Variants in FER1L6 observed in about 807,000 individuals in gnomAD.
FER1L6 encodes fer-1-like protein 6.
Under a neutral mutation model 219.2 loss-of-function variants are expected in FER1L6, and 177 were observed. The observed-to-expected ratio is 0.81, with a 90% CI of 0.71 to 0.91. The LOEUF is 0.91. Ranked by LOEUF, FER1L6 falls within the 40% of genes least tolerant of loss-of-function variation. The pLI, the probability that FER1L6 is intolerant of heterozygous loss-of-function variation, is 0.00. For synonymous variants in FER1L6, 768 were observed against 824.3 expected, an observed-to-expected ratio of 0.93 and a Z score of 1.17; for missense variants, 2,153 against 2,259.9, an observed-to-expected ratio of 0.95 and a Z score of 0.96.
intron 24 of FER1L6, among the ~76,000 whole-genome samples, chr8:124,060,963 TCATCAG>T (rs1377610556): frequency 6.6e-6 from 1 of 152,176 alleles, no homozygotes; most frequent in Non-Finnish European, 1.5e-5. Context: ...GGTCCCCAAT[TCATCAG>T]CATCAGCATC....
intron 18 of FER1L6, 133 bp from the exon 19 acceptor site, chr8:124,035,144 A>T: frequency 2.2e-6 from 2 of 890,930 alleles, no homozygotes; most frequent in Non-Finnish European, 3.4e-6. Flanking sequence ...ATTTTGATTT[A>T]AGAGGAGCTC....
In FER1L6 at chr8:124,003,033, A is replaced by C. The variant is rs1007062907; in HGVS notation, c.1520-134A>C. 4 of 690,558 alleles carry C rather than the reference A, an allele frequency of 5.8e-6. No individual in the cohort carries two copies. The African/African-American group carries it at 7.1e-5, about 12-fold the overall frequency. 42.8% of individuals were successfully genotyped at this position (690,558 alleles called of 1,614,324 possible). A position where few individuals can be genotyped will look rare whatever the true frequency, so the allele number is the denominator to read the frequency against. On this transcript the variant is annotated intron_variant, in intron 12 of 40. Coordinates refer to ENST00000522917, the MANE Select transcript of FER1L6 (RefSeq NM_001039112.2). ...CATTGTCAGTCTTGTTGGTCTGATC[A>C]TTGCTCTTTCTACCTTCATAATGGG... is the stretch of plus-strand genomic sequence containing the variant.
chr8:123,893,325 C>A (rs181095930), intron 1 of FER1L6, among the ~76,000 whole-genome samples: 36 of 152,240 alleles, frequency 2.4e-4, no homozygotes, highest in African/African-American at 7.5e-4. Flanking sequence ...ATGTTTACAA[C>A]GATTGCTAAC....
intron 18 of FER1L6, among the ~76,000 whole-genome samples, chr8:124,025,355 A>G (rs2130653709): frequency 6.6e-6 from 1 of 152,172 alleles, no homozygotes; most frequent in South Asian, 2.1e-4. Context: ...ATTTTTTTGT[A>G]TATGGTGAGA....
intron 32 of FER1L6, among the ~76,000 whole-genome samples, chr8:124,078,568 G>A (rs1458779033): frequency 2.6e-5 from 4 of 152,208 alleles, no homozygotes; most frequent in African/African-American, 9.7e-5. Flanking sequence ...CAGGCACACT[G>A]CTAAGTGCTG....
At chr8:124,013,231 A>G (rs1316742430) in intron 14 of FER1L6, among the ~76,000 whole-genome samples, 200 bp from the exon 15 acceptor site, 1 of 152,202 alleles carries the variant, frequency 6.6e-6, no homozygotes, top group African/African-American at 2.4e-5. Context: ...ATGTGGACCA[A>G]TTCCACTTAC....
In FER1L6 at chr8:123,973,364, G is replaced by A. The variant is rs1160181469; in HGVS notation, c.448-70G>A. On this transcript the variant is annotated intron_variant, in intron 6 of 40. Transcript: ENST00000522917. ...CCACTGTGCTCCAGACAGGGTCAAA[G>A]CTAGACAAGGGTCAAGGCCTCTTAT... is the stretch of plus-strand genomic sequence containing the variant. 4 of 1,282,468 alleles carry A rather than the reference G, an allele frequency of 3.1e-6. No homozygotes were observed. The East Asian group carries it at 6.9e-5, about 22-fold the overall frequency. 79.4% of individuals were successfully genotyped at this position (1,282,468 alleles called of 1,614,324 possible). A position where few individuals can be genotyped will look rare whatever the true frequency, so the allele number is the denominator to read the frequency against.
chr8:123,964,887 C>G (rs912864062), intron 3 of FER1L6, among the ~76,000 whole-genome samples: 2 of 152,246 alleles, frequency 1.3e-5, no homozygotes, highest in Non-Finnish European at 2.9e-5. Flanking sequence ...CACTTGCCTA[C>G]TAGTTCTTTT....
chr8:124,097,253 A>AC lies in FER1L6; in HGVS notation c.4696-18_4696-17insC. The AC allele has an allele frequency of 6.3e-7, 1 of 1,598,738 alleles. No individual in the cohort carries two copies. The highest frequency in any genetic ancestry group is 8.6e-7 in the Non-Finnish European group (1 of 1,166,886). On this transcript the variant is annotated splice_polypyrimidine_tract_variant and intron_variant, in intron 35 of 40. Transcript: ENST00000522917. ...GCCCCCTCCCAAAGCTAAAGAAGAT[A>AC]TTTTTTTTCTTAACAAGGGCCGCCT...
At chr8:124,067,301 C>A (rs571094670) in intron 27 of FER1L6, among the ~76,000 whole-genome samples, 6 of 152,324 alleles carry the variant, frequency 3.9e-5, no homozygotes, top group Admixed American at 3.3e-4. Context: ...TGCAACCTCC[C>A]TCCTTTTGCT....
At chr8:124,105,990 T>C (rs1210056872) in intron 39 of FER1L6, among the ~76,000 whole-genome samples, 1 of 152,034 alleles carries the variant, frequency 6.6e-6, no homozygotes, top group Non-Finnish European at 1.5e-5. Context: ...TGCCAGGGAC[T>C]GGGGTAGGGT....
chr8:123,892,410 G>A (rs1812665221), intron 1 of FER1L6, among the ~76,000 whole-genome samples: 1 of 152,024 alleles, frequency 6.6e-6, no homozygotes, highest in Admixed American at 6.6e-5. Flanking sequence ...TTGTGTCTCA[G>A]CCCCGCAAGT....
rs1823420490 is a variant in FER1L6, at chr8:124,119,983, C to A, written c.*193C>A. The A allele has an allele frequency of 1.9e-6, 1 of 538,428 alleles. No homozygotes were observed. Among genetic ancestry groups the A allele is most frequent in the Non-Finnish European group, 3.1e-6 (1 of 318,318 alleles). The allele number at this position is 538,428 out of a possible 1,614,324, so 33.4% of individuals were successfully genotyped here. ...GCCTCCAAGTTTCAAACTTGTAAGG[C>A]ATGTTTTATCCCTTGGGCAGCATGA... is the stretch of plus-strand genomic sequence containing the variant. On this transcript the variant is annotated 3_prime_UTR_variant, in exon 41 of 41. Coordinates refer to ENST00000522917, the MANE Select transcript of FER1L6 (RefSeq NM_001039112.2).
intron 12 of FER1L6, among the ~76,000 whole-genome samples, chr8:123,987,813 T>TA (rs970263807): frequency 1.3e-5 from 2 of 152,158 alleles, no homozygotes; most frequent in Non-Finnish European, 2.9e-5. Context: ...GATACTTTTG[T>TA]AAAAAATGAG....
chr8:123,872,419 C>T (rs776829019), intron 1 of FER1L6, among the ~76,000 whole-genome samples: 2 of 152,072 alleles, frequency 1.3e-5, no homozygotes, highest in Admixed American at 6.6e-5. Flanking sequence ...TCATCAAAAA[C>T]GAAGTCTGAG....
At chr8:123,892,332 C>A (rs1041419696) in intron 1 of FER1L6, among the ~76,000 whole-genome samples, 1 of 151,994 alleles carries the variant, frequency 6.6e-6, no homozygotes, top group Non-Finnish European at 1.5e-5. Flanking sequence ...CGCACTGTCG[C>A]CCTGGCTGGA....
At chr8:124,072,900 C>T (rs1007871182) in intron 31 of FER1L6, among the ~76,000 whole-genome samples, 4 of 152,302 alleles carry the variant, frequency 2.6e-5, no homozygotes, top group African/African-American at 7.2e-5. Context: ...GCAAACAGAA[C>T]GTATGTTCAA....
intron 1 of FER1L6, among the ~76,000 whole-genome samples, chr8:123,902,738 T>C (rs1391326255): frequency 1.3e-5 from 2 of 152,214 alleles, no homozygotes; most frequent in Non-Finnish European, 2.9e-5. Flanking sequence ...ATCCATTCTG[T>C]GGTTCTGTAT....
In FER1L6 at chr8:124,003,243, C is replaced by T. The variant is rs192062059; in HGVS notation, c.1596C>T (p.Leu532=). The T allele has an allele frequency of 6.2e-7, 1 of 1,614,086 alleles. No homozygotes were observed. Among genetic ancestry groups the T allele is most frequent in the East Asian group, 2.2e-5 (1 of 44,878 alleles). The part of the protein sequence containing the change: ...KKSAESAEED[L]LPLLHEGQGD... ...CAGCTGAATCAGCTGAAGAAGACCT[C>T]CTTCCACTGCTTCACGAAGGGCAAG... Residue 532 remains leucine (L), a synonymous_variant, in exon 13 of 41, where the codon CTC becomes CTT. Transcript: ENST00000522917.
Sources: allele counts gnomAD v4.1 joint callset (sites outside exome capture counted in the v4.1 genomes callset), GRCh38; gene constraint gnomAD v4.1.1; transcripts MANE v1.5; gene names NCBI Gene and HGNC (gene_info 2026-07-23, HGNC 2026-07-21).